DGCR2: variants seen among roughly 807,000 people sequenced by gnomAD.
DGCR2 encodes the protein DiGeorge syndrome critical region gene 2.
In DGCR2, 24 loss-of-function variants were observed where a neutral mutation model predicts 51.6. The observed-to-expected ratio is 0.47, with a 90% CI of 0.34 to 0.65. The LOEUF (loss-of-function observed/expected upper bound fraction) is 0.65. DGCR2 is among the 30% of genes least tolerant of loss of function. The pLI, the probability that DGCR2 is intolerant of heterozygous loss-of-function variation, is 0.01. For missense variants in DGCR2, 765 were observed against 772.1 expected (o/e 0.99, Z 0.11); for synonymous variants, 340 against 315.4 (o/e 1.08, Z -0.82).
intron 5 of DGCR2, among the ~76,000 whole-genome samples, chr22:19,058,301 GC>G (rs1343503743): frequency 2.0e-5 from 3 of 152,152 alleles, no homozygotes; most frequent in Non-Finnish European, 1.5e-5. Context: ...CAACAGCTGT[GC>G]CCCCTTCCCA....
intron 1 of DGCR2, among the ~76,000 whole-genome samples, chr22:19,119,377 C>T (rs549138916): frequency 1.3e-5 from 2 of 152,260 alleles, no homozygotes; most frequent in South Asian, 4.2e-4. Flanking sequence ...TGAGAGTTAA[C>T]ATATGTTAGT....
At chr22:19,108,119 C>T (rs994821293) in intron 1 of DGCR2, among the ~76,000 whole-genome samples, 2 of 152,140 alleles carry the variant, frequency 1.3e-5, no homozygotes, top group African/African-American at 4.8e-5. Flanking sequence ...TCTGCCCCCA[C>T]GAAGCTCAGA....
At chr22:19,087,114 C>T (rs2083025434) in intron 2 of DGCR2, among the ~76,000 whole-genome samples, 1 of 152,168 alleles carries the variant, frequency 6.6e-6, no homozygotes, top group African/African-American at 2.4e-5. Flanking sequence ...AGGGGAGGCT[C>T]CCACTCATAA....
At chr22:19,103,524 G>A (rs960757378) in intron 1 of DGCR2, among the ~76,000 whole-genome samples, 5 of 139,796 alleles carry the variant, frequency 3.6e-5, no homozygotes, top group African/African-American at 1.3e-4. Context: ...TCCGCCTCCC[G>A]GGTTCATGCC....
At chr22:19,076,170 T>G (rs2082873759) in intron 2 of DGCR2, among the ~76,000 whole-genome samples, 1 of 151,984 alleles carries the variant, frequency 6.6e-6, no homozygotes, top group Non-Finnish European at 1.5e-5. Flanking sequence ...TTCACTTTAT[T>G]TTTTGGGGGG....
chr22:19,093,082 C>T (rs2083097708), intron 1 of DGCR2, among the ~76,000 whole-genome samples: 1 of 152,140 alleles, frequency 6.6e-6, no homozygotes, highest in Non-Finnish European at 1.5e-5. Flanking sequence ...TCAGAATAGC[C>T]AGGCCCAGTG....
intron 2 of DGCR2, among the ~76,000 whole-genome samples, chr22:19,068,428 T>C (rs1159161559): frequency 6.6e-6 from 1 of 152,270 alleles, no homozygotes; most frequent in East Asian, 1.9e-4. Context: ...ATTAAAATTA[T>C]GCCGTGGCAG....
At chr22:19,104,655 C>T (rs1402245799) in intron 1 of DGCR2, among the ~76,000 whole-genome samples, 2 of 152,216 alleles carry the variant, frequency 1.3e-5, no homozygotes, top group East Asian at 3.8e-4. Flanking sequence ...CCATCAGACA[C>T]AGACTCCCAC....
At chr22:19,084,040 G>A (rs1205404656) in intron 2 of DGCR2, among the ~76,000 whole-genome samples, 13 of 152,216 alleles carry the variant, frequency 8.5e-5, no homozygotes, top group Non-Finnish European at 1.5e-4. Context: ...TGCCCAGGCC[G>A]AAGTGCAGTG....
At chr22:19,063,121 G>GA (rs2082703972) in intron 5 of DGCR2, 81 bp downstream of exon 5, 18 of 1,355,134 alleles carry the variant, frequency 1.3e-5, no homozygotes, top group Admixed American at 1.7e-5. Flanking sequence ...AGGCAGCACT[G>GA]GGTAAGAGGG....
At chr22:19,111,033 A>C (rs915647943) in intron 1 of DGCR2, among the ~76,000 whole-genome samples, 2 of 152,180 alleles carry the variant, frequency 1.3e-5, no homozygotes, top group Non-Finnish European at 2.9e-5. Flanking sequence ...CTTTTAAAAT[A>C]CCTTTTCCTC....
chr22:19,117,993 C>G (rs1392311796), intron 1 of DGCR2, among the ~76,000 whole-genome samples: 1 of 152,152 alleles, frequency 6.6e-6, no homozygotes, highest in African/African-American at 2.4e-5. Context: ...TACTTCTGAA[C>G]CTCGGTCACT....
intron 1 of DGCR2, among the ~76,000 whole-genome samples, chr22:19,116,680 G>C (rs768529048): frequency 1.3e-5 from 2 of 152,112 alleles, no homozygotes; most frequent in Non-Finnish European, 2.9e-5. Flanking sequence ...GCTATCTACG[G>C]GGTCCTTAAA....
At chr22:19,058,656 G>C (rs115788606) in intron 5 of DGCR2, among the ~76,000 whole-genome samples, 1 of 152,170 alleles carries the variant, frequency 6.6e-6, no homozygotes, top group Non-Finnish European at 1.5e-5. Context: ...AATCTTCAGC[G>C]CTGAAGCTAG....
intron 1 of DGCR2, among the ~76,000 whole-genome samples, chr22:19,112,516 A>T (rs2083328307): frequency 6.9e-6 from 1 of 144,348 alleles, no homozygotes; most frequent in African/African-American, 2.5e-5. Flanking sequence ...ATCTCAGCTC[A>T]CCATAACCTC....
Position 19,097,253 on chromosome 22 carries a change from AT to A in DGCR2, c.80-7764del, listed in dbSNP as rs2083151968. 2.6e-5 allele frequency among the ~76,000 whole-genome samples: 4 copies of A among 152,148 alleles called. No individual in the cohort carries two copies. The East Asian group carries it at 7.7e-4, about 29-fold the overall frequency. On this transcript the variant is annotated intron_variant, in intron 1 of 9. Transcript: ENST00000263196. Reference sequence around the variant, plus strand: ...AGTAAACCTATATATATATATACATATATAGATATGTAAGTGAAACAGCCAG... The same window carrying A: ...AGTAAACCTATATATATATATACATAATAGATATGTAAGTGAAACAGCCAG...
At position 19,036,859 on chromosome 22, in the gene DGCR2, C is replaced by T. The variant is rs973705296; in HGVS notation, c.*2006G>A. 2.6e-5 allele frequency: 4 copies of T among 152,740 alleles called. No individual in the cohort carries two copies. The highest frequency in any genetic ancestry group is 9.6e-5 in the African/African-American group (4 of 41,476). 9.5% of individuals were successfully genotyped at this position (152,740 alleles called of 1,614,324 possible). Reference sequence around the variant, plus strand: ...TGCCCCCTACGTGTCTGACCGGCCCCTAATGTTCCTCTGGTCCCCAAAGGA... The same window carrying T: ...TGCCCCCTACGTGTCTGACCGGCCCTTAATGTTCCTCTGGTCCCCAAAGGA... On this transcript the variant is annotated 3_prime_UTR_variant, in exon 10 of 10. Coordinates refer to ENST00000263196, the MANE Select transcript of DGCR2 (RefSeq NM_005137.3).
intron 1 of DGCR2, among the ~76,000 whole-genome samples, chr22:19,103,586 G>T (rs562891410): frequency 1.3e-5 from 2 of 149,838 alleles, no homozygotes; most frequent in East Asian, 3.9e-4. Context: ...GCACCATCAC[G>T]CCCGGCTAAT....
At chr22:19,044,989 T>C (rs376732751) in intron 7 of DGCR2, among the ~76,000 whole-genome samples, 1,615 of 115,290 alleles carry the variant, frequency 0.014, 41 homozygotes, top group African/African-American at 0.062. Flanking sequence ...TGAAGCCAAA[T>C]TTGTCTGTTT....
Sources: allele counts gnomAD v4.1 joint callset (sites outside exome capture counted in the v4.1 genomes callset), GRCh38; gene constraint gnomAD v4.1.1; transcripts MANE v1.5; gene names NCBI Gene and HGNC (gene_info 2026-07-23, HGNC 2026-07-21).